The following SIL1 variants were observed in gnomAD, a reference collection of about 807,000 sequenced individuals.
The protein encoded by SIL1 is SIL1 nucleotide exchange factor.
In SIL1, 40 loss-of-function variants were observed where a neutral mutation model predicts 49.1. The ratio of observed to expected loss-of-function variants is 0.81; its 90% CI spans 0.63 to 1.06. SIL1 has a LOEUF of 1.06. Among genes scored for constraint, SIL1 ranks in the 50% least tolerant of loss-of-function variants. The pLI, the probability that SIL1 is intolerant of heterozygous loss-of-function variation, is 0.00. For synonymous variants in SIL1, 253 were observed against 250.8 expected (o/e 1.01, Z -0.08); for missense variants, 500 against 572.6 (o/e 0.87, Z 1.29).
At chr5:139,143,194 T>C (rs1402334091) in intron 1 of SIL1, among the ~76,000 whole-genome samples, 1 of 150,774 alleles carries the variant, frequency 6.6e-6, no homozygotes, top group Non-Finnish European at 1.5e-5. Flanking sequence ...GCAGATGATA[T>C]ATACATATAT....
intron 1 of SIL1, chr5:139,133,401 C>G (rs909866173): frequency 6.6e-6 from 1 of 152,232 alleles, no homozygotes; most frequent in East Asian, 1.9e-4. Context: ...GGAGGCCACT[C>G]GGCCCCCACC....
rs944447333 is a variant in SIL1, at chr5:139,177,937, T to G, written c.-11+20332A>C. Reference sequence around the variant, plus strand: ...ACTTGGCACATCACATCTCTGGGAGTTGCCAGTGTCAGTGGCTTAAGTGGT... The same window carrying G: ...ACTTGGCACATCACATCTCTGGGAGGTGCCAGTGTCAGTGGCTTAAGTGGT... On this transcript the variant is annotated intron_variant, in intron 1 of 9. Coordinates refer to ENST00000394817, the MANE Select transcript of SIL1 (RefSeq NM_022464.5). 3.9e-5 allele frequency among the ~76,000 whole-genome samples: 6 copies of G among 152,168 alleles called. No homozygotes were observed. The East Asian group carries it at 9.6e-4, about 24-fold the overall frequency.
intron 3 of SIL1, among the ~76,000 whole-genome samples, chr5:139,080,059 T>C (rs1770038671): frequency 6.6e-6 from 1 of 151,870 alleles, no homozygotes; most frequent in Admixed American, 6.6e-5. Flanking sequence ...CTACCAACTT[T>C]ACTGGGGGTG....
At chr5:139,073,127 T>C (rs1459812892) in intron 3 of SIL1, among the ~76,000 whole-genome samples, 1 of 152,172 alleles carries the variant, frequency 6.6e-6, no homozygotes, top group African/African-American at 2.4e-5. Flanking sequence ...AGAATAGTCA[T>C]TATGAAAAAT....
In SIL1 at chr5:139,106,253, G is replaced by A. The variant is rs190677038; in HGVS notation, c.244+14782C>T. Among the ~76,000 whole-genome samples the A allele has an allele frequency of 2.6e-3, 401 of 152,320 alleles. 3 individuals carry two copies. The highest frequency in any genetic ancestry group is 0.02 in the South Asian group (96 of 4,826). The stretch of plus-strand genomic sequence containing the variant: ...GCATTCACAAGGTTTTGGGGCCACT[G>A]GCTATTCAATCTTGAGCCAGCCACT... On this transcript the variant is annotated intron_variant, in intron 3 of 9. Coordinates refer to ENST00000394817, the MANE Select transcript of SIL1 (RefSeq NM_022464.5).
intron 4 of SIL1, among the ~76,000 whole-genome samples, chr5:139,049,516 C>G (rs891827428): frequency 1.3e-5 from 2 of 152,116 alleles, no homozygotes; most frequent in African/African-American, 4.8e-5. Context: ...AGGCTGGGCA[C>G]AGTGGTCCAC....
At chr5:139,169,800 A>G (rs553702743) in intron 1 of SIL1, among the ~76,000 whole-genome samples, 46 of 146,044 alleles carry the variant, frequency 3.1e-4, no homozygotes, top group African/African-American at 1.1e-3. Context: ...TATATTTAAG[A>G]AAAAAAAAAG....
At chr5:139,138,170 A>C (rs1037732176) in intron 1 of SIL1, among the ~76,000 whole-genome samples, 6 of 151,594 alleles carry the variant, frequency 4.0e-5, no homozygotes, top group African/African-American at 1.5e-4. Context: ...CACAAACCAC[A>C]ACCACACACA....
At chr5:139,071,166 G>A (rs1769822961) in intron 3 of SIL1, among the ~76,000 whole-genome samples, 1 of 122,180 alleles carries the variant, frequency 8.2e-6, no homozygotes, top group Non-Finnish European at 1.6e-5. Context: ...GAAATGGCCT[G>A]AGCTCTTCAA....
intron 3 of SIL1, among the ~76,000 whole-genome samples, chr5:139,082,267 G>A (rs1388141524): frequency 1.3e-5 from 2 of 152,182 alleles, no homozygotes; most frequent in Non-Finnish European, 2.9e-5. Flanking sequence ...TGATAGAACT[G>A]AGTCTCTAAC....
At chr5:139,065,189 G>A (rs75401863) in intron 3 of SIL1, among the ~76,000 whole-genome samples, 3,917 of 152,264 alleles carry the variant, frequency 0.026, 75 homozygotes, top group Non-Finnish European at 0.041. Flanking sequence ...TCCAAACTGA[G>A]AGGGCAGCAA....
At chr5:139,041,709 C>T (rs1319252416) in intron 5 of SIL1, among the ~76,000 whole-genome samples, 2 of 151,320 alleles carry the variant, frequency 1.3e-5, no homozygotes, top group South Asian at 2.1e-4. Context: ...GAGGCTGAGG[C>T]AGGAGAATCG....
chr5:138,980,073 G>C (rs1767482505), intron 7 of SIL1, among the ~76,000 whole-genome samples: 1 of 152,218 alleles, frequency 6.6e-6, no homozygotes, highest in African/African-American at 2.4e-5. Context: ...GGGGGCTCTA[G>C]GCTCTTGCTT....
chr5:138,983,219 A>G (rs1767569751), intron 7 of SIL1, among the ~76,000 whole-genome samples: 1 of 143,286 alleles, frequency 7.0e-6, no homozygotes, highest in Admixed American at 6.9e-5. Flanking sequence ...AAAAAAAAAA[A>G]AAAAAAAGGC....
chr5:139,192,720 G>C (rs1214395278), intron 1 of SIL1, among the ~76,000 whole-genome samples: 1 of 151,970 alleles, frequency 6.6e-6, no homozygotes, highest in Non-Finnish European at 1.5e-5. Flanking sequence ...AACTTGGCTG[G>C]GTGTGGTGGT....
intron 7 of SIL1, among the ~76,000 whole-genome samples, chr5:138,965,511 A>C (rs1232824691): frequency 6.6e-6 from 1 of 152,054 alleles, no homozygotes; most frequent in African/African-American, 2.4e-5. Flanking sequence ...GGGCACAATT[A>C]ATTACTGCAC....
At chr5:139,040,374 T>C (rs1320101984) in intron 5 of SIL1, among the ~76,000 whole-genome samples, 1 of 152,044 alleles carries the variant, frequency 6.6e-6, no homozygotes, top group Non-Finnish European at 1.5e-5. Flanking sequence ...GGAAAGAGTA[T>C]GATAGCCAGA....
rs143248974 is a variant in SIL1, at chr5:139,136,870, C to T, written c.-10-9017G>A. ...GATTCTTCAATACCATACATAAGTT[C>T]CTATGATTGATGAAGAGCTACCCCA... On this transcript the variant is annotated intron_variant, in intron 1 of 9. Transcript: ENST00000394817. Among the ~76,000 whole-genome samples the T allele has an allele frequency of 2.6e-3, 395 of 152,234 alleles. 3 individuals are homozygous for T. The highest frequency in any genetic ancestry group is 8.4e-3 in the African/African-American group (349 of 41,554).
At chr5:139,041,948 AGAAAT>A (rs1769057837) in intron 5 of SIL1, among the ~76,000 whole-genome samples, 1 of 152,112 alleles carries the variant, frequency 6.6e-6, no homozygotes, top group Admixed American at 6.5e-5. Context: ...AGAAATACAG[AGAAAT>A]GACTCCAAGA....
Sources: allele counts gnomAD v4.1 joint callset (sites outside exome capture counted in the v4.1 genomes callset), GRCh38; gene constraint gnomAD v4.1.1; transcripts MANE v1.5; gene names NCBI Gene and HGNC (gene_info 2026-07-23, HGNC 2026-07-21).